The following NLGN1 variants were observed in gnomAD, a reference collection of about 807,000 sequenced individuals.
NLGN1 encodes neuroligin-1.
NLGN1 carries 12 observed loss-of-function variants against 65.5 expected under a neutral mutation model. The observed-to-expected ratio is 0.18, with a 90% CI of 0.12 to 0.30. NLGN1 has a LOEUF of 0.30. NLGN1 is among the 10% of genes least tolerant of loss of function. The probability of loss-of-function intolerance (pLI) is 1.00; values close to 1 mark genes in which losing one functional copy is unlikely to be tolerated. For missense variants in NLGN1, 750 were observed against 1,007.1 expected (o/e 0.74, Z 3.46); for synonymous variants, 350 against 359.5 (o/e 0.97, Z 0.30).
At chr3:173,856,824 A>T (rs763280298) in intron 4 of NLGN1, among the ~76,000 whole-genome samples, 1 of 152,102 alleles carries the variant, frequency 6.6e-6, no homozygotes, top group African/African-American at 2.4e-5. Flanking sequence ...CCAGAAGTTG[A>T]CAGGTAAATT....
intron 4 of NLGN1, among the ~76,000 whole-genome samples, chr3:173,983,892 CT>C (rs1719314007): frequency 6.6e-6 from 1 of 152,136 alleles, no homozygotes; most frequent in African/African-American, 2.4e-5. Flanking sequence ...AGCACAATAG[CT>C]TTTCTCTGTC....
intron 4 of NLGN1, among the ~76,000 whole-genome samples, chr3:174,088,794 A>C (rs1288460552): frequency 6.6e-6 from 1 of 150,388 alleles, no homozygotes; most frequent in African/African-American, 2.4e-5. Flanking sequence ...ATAAATAAAT[A>C]AATAAATAAA....
intron 4 of NLGN1, among the ~76,000 whole-genome samples, chr3:174,192,269 T>C (rs1364766172): frequency 6.6e-6 from 1 of 152,144 alleles, no homozygotes; most frequent in Non-Finnish European, 1.5e-5. Context: ...ATATTAAACA[T>C]AAAACTCATT....
At chr3:174,095,478 CTT>C (rs1745323480) in intron 4 of NLGN1, among the ~76,000 whole-genome samples, 1 of 141,684 alleles carries the variant, frequency 7.1e-6, no homozygotes, top group Non-Finnish European at 1.5e-5. Context: ...TGTGTGTATG[CTT>C]GTGTGTGTGT....
intron 4 of NLGN1, among the ~76,000 whole-genome samples, chr3:174,145,234 G>A (rs1272598582): frequency 2.0e-5 from 3 of 152,216 alleles, no homozygotes; most frequent in East Asian, 3.9e-4. Context: ...AAGACAGACG[G>A]TCAGGAACAG....
At chr3:173,826,954 T>G (rs1345470880) in intron 4 of NLGN1, among the ~76,000 whole-genome samples, 2 of 152,006 alleles carry the variant, frequency 1.3e-5, no homozygotes, top group African/African-American at 4.8e-5. Context: ...AGAAACATAT[T>G]TCATCAGCAA....
At chr3:173,650,534 C>T (rs1365872172) in intron 3 of NLGN1, among the ~76,000 whole-genome samples, 1 of 152,052 alleles carries the variant, frequency 6.6e-6, no homozygotes, top group Non-Finnish European at 1.5e-5. Context: ...GCAAATACAA[C>T]AGGTTAGGAA....
At chr3:173,458,166 G>A (rs2148876889) in intron 2 of NLGN1, among the ~76,000 whole-genome samples, 1 of 152,156 alleles carries the variant, frequency 6.6e-6, no homozygotes, top group Non-Finnish European at 1.5e-5. Flanking sequence ...AGTAGAGAAA[G>A]CATTGGAGAG....
intron 4 of NLGN1, among the ~76,000 whole-genome samples, chr3:173,838,930 T>C (rs1389462822): frequency 6.6e-6 from 1 of 152,192 alleles, no homozygotes; most frequent in African/African-American, 2.4e-5. Flanking sequence ...GTGTATTTTT[T>C]TGGTATACAT....
downstream of NLGN1, among the ~76,000 whole-genome samples, chr3:174,289,671 T>C (rs958409267): frequency 2.0e-5 from 3 of 151,150 alleles, no homozygotes; most frequent in South Asian, 6.2e-4. Flanking sequence ...CAGTCAAGTG[T>C]TGTCTTAAAG....
At chr3:174,289,718 G>A (rs1317619514), downstream of NLGN1, among the ~76,000 whole-genome samples, 1 of 150,592 alleles carries the variant, frequency 6.6e-6, no homozygotes, top group Non-Finnish European at 1.5e-5. Context: ...ACATACATAA[G>A]ATAAAACAAA....
intron 3 of NLGN1, among the ~76,000 whole-genome samples, chr3:173,782,330 G>A (rs966945464): frequency 8.5e-5 from 13 of 152,188 alleles, no homozygotes; most frequent in Admixed American, 7.2e-4. Context: ...TTAATTGAAT[G>A]CATTAAAGGC....
chr3:174,061,546 A>G (rs1737420274), intron 4 of NLGN1, among the ~76,000 whole-genome samples: 1 of 152,138 alleles, frequency 6.6e-6, no homozygotes, highest in Non-Finnish European at 1.5e-5. Context: ...GGCTGAGAAG[A>G]ACTTTGCATA....
chr3:174,035,776 A>G (rs962239381), intron 4 of NLGN1, among the ~76,000 whole-genome samples: 1 of 152,134 alleles, frequency 6.6e-6, no homozygotes, highest in Non-Finnish European at 1.5e-5. Flanking sequence ...CCATTTCATA[A>G]TAAGAAAGAG....
At chr3:174,243,139 A>G (rs958434163) in intron 4 of NLGN1, among the ~76,000 whole-genome samples, 1 of 152,226 alleles carries the variant, frequency 6.6e-6, no homozygotes, top group Non-Finnish European at 1.5e-5. Flanking sequence ...AGATTATCTG[A>G]GCAGGCCCAA....
intron 2 of NLGN1, among the ~76,000 whole-genome samples, chr3:173,587,935 G>T (rs893118982): frequency 7.9e-5 from 12 of 152,088 alleles, no homozygotes; most frequent in Non-Finnish European, 1.3e-4. Context: ...TACATTAAAT[G>T]TTATTTTACA....
chr3:173,447,180 G>T (rs1318921763), intron 2 of NLGN1, among the ~76,000 whole-genome samples: 1 of 152,168 alleles, frequency 6.6e-6, no homozygotes, highest in Non-Finnish European at 1.5e-5. Context: ...TTTTCTTCTA[G>T]GATTTTTATG....
At chr3:173,957,408 T>A (rs1221173977) in intron 4 of NLGN1, among the ~76,000 whole-genome samples, 1 of 152,196 alleles carries the variant, frequency 6.6e-6, no homozygotes. Flanking sequence ...ATTATTATTT[T>A]GCTCTGCCTA....
chr3:173,477,796 G>A (rs760883783), intron 2 of NLGN1, among the ~76,000 whole-genome samples: 2 of 152,110 alleles, frequency 1.3e-5, no homozygotes, highest in Non-Finnish European at 2.9e-5. Flanking sequence ...GTCTGTTCAT[G>A]TCCTTTGCCC....
Sources: allele counts gnomAD v4.1 joint callset (sites outside exome capture counted in the v4.1 genomes callset), GRCh38; gene constraint gnomAD v4.1.1; transcripts MANE v1.5; gene names NCBI Gene and HGNC (gene_info 2026-07-23, HGNC 2026-07-21).